Variants in LINGO2 observed in about 807,000 individuals in gnomAD.
LINGO2 encodes leucine rich repeat and Ig domain containing 2, also known as leucine-rich repeat and immunoglobulin-like domain-containing nogo receptor-interacting protein 2.
A neutral mutation model predicts 30.6 loss-of-function variants in LINGO2; 14 were observed. That is an observed-to-expected ratio of 0.46 (90% CI 0.30 to 0.72). The LOEUF (loss-of-function observed/expected upper bound fraction) is 0.72. LINGO2 is among the 30% of genes least tolerant of loss of function. The pLI is 0.07. For synonymous variants in LINGO2, 317 were observed against 288.5 expected, an observed-to-expected ratio of 1.10 and a Z score of -1.00; for missense variants, 729 against 751.7, an observed-to-expected ratio of 0.97 and a Z score of 0.35.
intron 4 of LINGO2, among the ~76,000 whole-genome samples, chr9:28,215,653 T>TTGTG (rs138062430): frequency 8.6e-5 from 13 of 151,384 alleles, no homozygotes; most frequent in Non-Finnish European, 1.8e-4. Context: ...GCATGTGTCT[T>TTGTG]TGTGTGTGTG....
At chr9:28,042,615 C>A (rs1288703743) in intron 4 of LINGO2, among the ~76,000 whole-genome samples, 1 of 152,054 alleles carries the variant, frequency 6.6e-6, no homozygotes, top group Non-Finnish European at 1.5e-5. Context: ...ATATTTTTCC[C>A]TACTCTAATT....
At chr9:28,509,794 G>T (rs974095929) in intron 1 of LINGO2, among the ~76,000 whole-genome samples, 3 of 152,324 alleles carry the variant, frequency 2.0e-5, no homozygotes, top group East Asian at 3.9e-4. Flanking sequence ...GGAAATAAAA[G>T]TTCATTGTTT....
chr9:28,818,263 T>C, the LINGO2 span, among the ~76,000 whole-genome samples: 3 of 152,212 alleles, frequency 2.0e-5, no homozygotes, highest in Non-Finnish European at 2.9e-5. Context: ...AAATCAGACA[T>C]TTCTAAAGTA....
the LINGO2 span, among the ~76,000 whole-genome samples, chr9:28,806,261 A>G: frequency 1.3e-5 from 2 of 152,216 alleles, no homozygotes; most frequent in African/African-American, 4.8e-5. Context: ...TAGCAAAATG[A>G]TCTGGCAGCA....
At chr9:28,711,583 A>G in the LINGO2 span, among the ~76,000 whole-genome samples, 5 of 152,180 alleles carry the variant, frequency 3.3e-5, no homozygotes, top group Non-Finnish European at 7.4e-5. Context: ...AGAGAAATTA[A>G]TATAAAAAGA....
At chr9:28,092,691 T>TATA (rs1266062394) in intron 4 of LINGO2, among the ~76,000 whole-genome samples, 1 of 151,564 alleles carries the variant, frequency 6.6e-6, no homozygotes, top group Non-Finnish European at 1.5e-5. Context: ...GAACTTAAAG[T>TATA]ATAATAATAA....
intron 3 of LINGO2, among the ~76,000 whole-genome samples, chr9:28,346,741 C>T (rs1378228344): frequency 6.6e-6 from 1 of 151,948 alleles, no homozygotes; most frequent in Non-Finnish European, 1.5e-5. Context: ...GGTGTGGGAT[C>T]ATAGCTCATT....
At chr9:29,196,542 G>A in the LINGO2 span, among the ~76,000 whole-genome samples, 103 of 152,118 alleles carry the variant, frequency 6.8e-4, no homozygotes, top group African/African-American at 2.3e-3. Context: ...TGATGGAAGA[G>A]TCTCCCAAAT....
intron 1 of LINGO2, among the ~76,000 whole-genome samples, chr9:28,610,206 C>T (rs1235527882): frequency 6.6e-6 from 1 of 152,078 alleles, no homozygotes; most frequent in Admixed American, 6.6e-5. Flanking sequence ...AATCAAAATA[C>T]ATTTATTGCT....
intron 5 of LINGO2, among the ~76,000 whole-genome samples, chr9:27,989,445 CTGTGTGTGTGTGTGTG>C (rs5897262): frequency 6.6e-6 from 1 of 150,386 alleles, no homozygotes; most frequent in South Asian, 2.1e-4. Flanking sequence ...TGAATGCTCT[CTGTGTGTGTGTGTGTG>C]TGTGTGTGTG....
the LINGO2 span, among the ~76,000 whole-genome samples, chr9:28,800,149 T>C: frequency 0.041 from 6,294 of 152,172 alleles, 193 homozygotes; most frequent in Admixed American, 0.081. Context: ...TTCAGATTCA[T>C]AGCATCTTTC....
At chr9:28,337,377 G>A (rs1362051662) in intron 3 of LINGO2, among the ~76,000 whole-genome samples, 1 of 151,956 alleles carries the variant, frequency 6.6e-6, no homozygotes, top group African/African-American at 2.4e-5. Flanking sequence ...CAGGAAGCAG[G>A]GCATGAAAGT....
At chr9:28,943,127 G>A in the LINGO2 span, among the ~76,000 whole-genome samples, 1 of 152,206 alleles carries the variant, frequency 6.6e-6, no homozygotes, top group South Asian at 2.1e-4. Context: ...TCGTATTAAG[G>A]GCTAAGGTAA....
chr9:28,492,142 C>A (rs923118041), intron 1 of LINGO2, among the ~76,000 whole-genome samples: 1 of 152,120 alleles, frequency 6.6e-6, no homozygotes, highest in African/African-American at 2.4e-5. Context: ...CCCGTGATTC[C>A]TAATAGAAAA....
At chr9:28,620,501 C>T (rs761021237) in intron 1 of LINGO2, among the ~76,000 whole-genome samples, 24 of 151,874 alleles carry the variant, frequency 1.6e-4, no homozygotes, top group Non-Finnish European at 2.6e-4. Context: ...ATAATGTGTG[C>T]AACAATACTT....
chr9:28,505,726 G>T (rs1404943750), intron 1 of LINGO2, among the ~76,000 whole-genome samples: 2 of 151,846 alleles, frequency 1.3e-5, no homozygotes, highest in Non-Finnish European at 2.9e-5. Context: ...ACCTGCATTT[G>T]TAAACCCTAA....
intron 1 of LINGO2, among the ~76,000 whole-genome samples, chr9:28,511,596 C>G (rs1318451810): frequency 6.6e-6 from 1 of 152,196 alleles, no homozygotes. Flanking sequence ...CTACTGAGGT[C>G]ACCCGTTGGT....
At chr9:28,529,385 G>A (rs1017209803) in intron 1 of LINGO2, among the ~76,000 whole-genome samples, 2 of 152,088 alleles carry the variant, frequency 1.3e-5, no homozygotes, top group Non-Finnish European at 2.9e-5. Context: ...AATATGGTAT[G>A]TCAGGTGTCT....
chr9:28,235,879 G>A (rs1036850068), intron 4 of LINGO2, among the ~76,000 whole-genome samples: 4 of 152,176 alleles, frequency 2.6e-5, no homozygotes, highest in African/African-American at 9.7e-5. Flanking sequence ...CCGTAAGGAG[G>A]AGATAGAGAA....
Sources: gnomAD v4.1 joint callset for allele counts (sites outside exome capture counted in the v4.1 genomes callset) on GRCh38, gnomAD v4.1.1 for gene constraint, MANE v1.5 for transcripts, NCBI Gene and HGNC (gene_info 2026-07-23, HGNC 2026-07-21) for gene names.